GREB1L: variants seen among roughly 807,000 people sequenced by gnomAD.
The protein encoded by GREB1L is GREB1-like protein.
Under a neutral mutation model 200.8 loss-of-function variants are expected in GREB1L, and 17 were observed. The ratio of observed to expected loss-of-function variants is 0.08; its 90% CI spans 0.06 to 0.13. GREB1L has a LOEUF of 0.13. Ranked by LOEUF, GREB1L falls within the 10% of genes least tolerant of loss-of-function variation. The pLI is 1.00. For missense variants in GREB1L, 1,657 were observed against 2,367.7 expected (o/e 0.70, Z 6.23); for synonymous variants, 789 against 893.0 (o/e 0.88, Z 2.08).
chr18:21,489,921 A>T, intron 18 of GREB1L, 91 bp from the exon 19 acceptor site: 1 of 902,194 alleles, frequency 1.1e-6, no homozygotes, highest in Non-Finnish European at 1.7e-6. Context: ...CCCCTTCCCC[A>T]CCATGCTTAA....
intron 1 of GREB1L, among the ~76,000 whole-genome samples, chr18:21,243,519 C>T (rs1302382520): frequency 6.6e-6 from 1 of 152,202 alleles, no homozygotes; most frequent in Non-Finnish European, 1.5e-5. Context: ...GGCGGGAATC[C>T]CTGCTTAAAT....
At chr18:21,349,000 C>T (rs2039395399) in intron 1 of GREB1L, among the ~76,000 whole-genome samples, 1 of 152,104 alleles carries the variant, frequency 6.6e-6, no homozygotes, top group African/African-American at 2.4e-5. Flanking sequence ...TGTGTGGCTG[C>T]CCTCTGTCTC....
intron 2 of GREB1L, among the ~76,000 whole-genome samples, chr18:21,377,194 T>C (rs1360858861): frequency 2.0e-5 from 3 of 151,722 alleles, no homozygotes; most frequent in Non-Finnish European, 4.4e-5. Context: ...AATTGCAGAA[T>C]GGTGATGTGG....
intron 7 of GREB1L, among the ~76,000 whole-genome samples, chr18:21,422,736 A>G (rs946710140): frequency 8.5e-5 from 13 of 152,190 alleles, no homozygotes; most frequent in Non-Finnish European, 1.6e-4. Flanking sequence ...GCAATGAATA[A>G]CCTCAATATA....
chr18:21,496,992 T>A (rs953816876), intron 21 of GREB1L, among the ~76,000 whole-genome samples: 7 of 152,244 alleles, frequency 4.6e-5, no homozygotes, highest in African/African-American at 1.7e-4. Context: ...ACCCTTAATC[T>A]TCTCATGGTT....
intron 1 of GREB1L, among the ~76,000 whole-genome samples, chr18:21,278,025 A>T (rs1308439337): frequency 6.6e-6 from 1 of 152,180 alleles, no homozygotes; most frequent in Non-Finnish European, 1.5e-5. Flanking sequence ...GGGTATAGCC[A>T]TGACAAGTGA....
intron 1 of GREB1L, among the ~76,000 whole-genome samples, chr18:21,311,714 A>C (rs572128590): frequency 1.3e-5 from 2 of 152,276 alleles, no homozygotes; most frequent in South Asian, 2.1e-4. Flanking sequence ...TGGCTATATT[A>C]GGTTTTGCCA....
At chr18:21,447,558 T>A (rs1419973005) in intron 11 of GREB1L, among the ~76,000 whole-genome samples, 3 of 152,216 alleles carry the variant, frequency 2.0e-5, no homozygotes, top group African/African-American at 7.2e-5. Context: ...CCTGATAGAA[T>A]ATGTTACTTA....
chr18:21,309,038 CAGATGGAAGAT>C (rs1412728850), intron 1 of GREB1L, among the ~76,000 whole-genome samples: 4 of 152,176 alleles, frequency 2.6e-5, no homozygotes, highest in Non-Finnish European at 5.9e-5. Flanking sequence ...CCCTTCTGGG[CAGATGGAAGAT>C]TTCAGTTAAG....
intron 1 of GREB1L, chr18:21,317,901 C>T (rs2038895671): frequency 6.6e-6 from 1 of 152,150 alleles, no homozygotes; most frequent in South Asian, 2.1e-4. Flanking sequence ...TGCCTGAGGT[C>T]AGGAGACCAG....
Position 21,505,460 on chromosome 18 carries a change from C to T in GREB1L, c.4121C>T (p.Pro1374Leu). 6.4e-7 allele frequency: 1 copy of T among 1,551,630 alleles called. No homozygotes were observed. The highest frequency in any genetic ancestry group is 8.7e-7 in the Non-Finnish European group (1 of 1,146,978). Residue 1374 changes from proline (P) to leucine (L), a missense_variant, in exon 24 of 33, where the codon CCT (proline) becomes CTT (leucine). Around this residue, in one of 9 missense-constraint regions of GREB1L, gnomAD observed 512 missense variants for 668.3 expected, o/e 0.77. Transcript: ENST00000424526. ...AGCCAGTCAGAGGGAGAGCCCTGGC[C>T]TGACATCGAGAGCTTCAGTAAAATG... The part of the protein sequence containing the change: ...EVSQSEGEPW[P>L]DIESFSKMPF...
chr18:21,335,566 A>G (rs2039171802), intron 1 of GREB1L, among the ~76,000 whole-genome samples: 1 of 152,210 alleles, frequency 6.6e-6, no homozygotes, highest in South Asian at 2.1e-4. Flanking sequence ...TTAAAAGGCA[A>G]ATTAACTTAA....
At chr18:21,267,481 C>A (rs1366687929) in intron 1 of GREB1L, among the ~76,000 whole-genome samples, 3 of 152,132 alleles carry the variant, frequency 2.0e-5, no homozygotes, top group Non-Finnish European at 2.9e-5. Flanking sequence ...TGTGCCCAGC[C>A]ACATTTAGCT....
At chr18:21,444,450 G>A (rs2034093249) in intron 11 of GREB1L, 41 bp downstream of exon 11, 1 of 1,480,304 alleles carries the variant, frequency 6.8e-7, no homozygotes, top group Non-Finnish European at 9.2e-7. Flanking sequence ...GACTACTTTT[G>A]AGGATTTTTT....
At chr18:21,257,175 C>G (rs1329112242) in intron 1 of GREB1L, among the ~76,000 whole-genome samples, 2 of 151,988 alleles carry the variant, frequency 1.3e-5, no homozygotes, top group African/African-American at 4.8e-5. Context: ...ACCGTGTTAG[C>G]CAGGATGGTC....
chr18:21,439,010 A>G (rs2033736780), intron 7 of GREB1L, among the ~76,000 whole-genome samples: 1 of 151,748 alleles, frequency 6.6e-6, no homozygotes, highest in South Asian at 2.1e-4. Flanking sequence ...AAAGAAGCAC[A>G]TAGAAGTATT....
chr18:21,308,686 AC>A (rs1369935512), intron 1 of GREB1L, among the ~76,000 whole-genome samples: 1 of 151,674 alleles, frequency 6.6e-6, no homozygotes, highest in Non-Finnish European at 1.5e-5. Flanking sequence ...AGTTTTGTAA[AC>A]CTCTCTGATG....
At chr18:21,364,547 C>T (rs2039632719) in intron 1 of GREB1L, among the ~76,000 whole-genome samples, 2 of 151,852 alleles carry the variant, frequency 1.3e-5, no homozygotes, top group African/African-American at 4.8e-5. Context: ...GGTTGAAAGG[C>T]AAAGAAATTA....
At chr18:21,489,459 T>G (rs546143097) in intron 18 of GREB1L, among the ~76,000 whole-genome samples, 1 of 152,356 alleles carries the variant, frequency 6.6e-6, no homozygotes, top group South Asian at 2.1e-4. Context: ...CGACAGATAT[T>G]ACATTAATGC....
Sources: allele counts gnomAD v4.1 joint callset (sites outside exome capture counted in the v4.1 genomes callset), GRCh38; gene constraint gnomAD v4.1.1; regional missense constraint gnomAD v4.1.1; transcripts MANE v1.5; gene names NCBI Gene and HGNC (gene_info 2026-07-23, HGNC 2026-07-21).